Variants in PDE4D observed in about 807,000 individuals in gnomAD.
The protein encoded by PDE4D is phosphodiesterase 4D, also known as 3',5'-cyclic-AMP phosphodiesterase 4D.
PDE4D carries 24 observed loss-of-function variants against 87.4 expected under a neutral mutation model. That is an observed-to-expected ratio of 0.27 (90% CI 0.20 to 0.39). The LOEUF is 0.39. Ranked by LOEUF, PDE4D falls within the 10% of genes least tolerant of loss-of-function variation. The pLI is 1.00. For synonymous variants in PDE4D, 384 were observed against 383.2 expected (o/e 1.00, Z -0.02); for missense variants, 714 against 1,041.0 (o/e 0.69, Z 4.32).
intron 5 of PDE4D, among the ~76,000 whole-genome samples, chr5:59,133,575 C>G (rs895016194): frequency 3.3e-5 from 5 of 152,184 alleles, no homozygotes; most frequent in African/African-American, 1.2e-4. Flanking sequence ...TGCTAGTATA[C>G]TGTAGAAAAG....
At chr5:59,216,138 A>T (rs1371182085) in intron 1 of PDE4D, among the ~76,000 whole-genome samples, 170 bp from the exon 2 acceptor site, 1 of 152,214 alleles carries the variant, frequency 6.6e-6, no homozygotes, top group Admixed American at 6.5e-5. Context: ...AAAGAAAAAC[A>T]CATTGACTTC....
upstream of PDE4D, chr5:60,491,411 C>T (rs377308998): frequency 6.7e-6 from 1 of 149,738 alleles, no homozygotes; most frequent in Non-Finnish European, 1.5e-5. Flanking sequence ...TGTTGTTGTT[C>T]TTGTTGTTAT....
intron 1 of PDE4D, among the ~76,000 whole-genome samples, chr5:60,290,322 C>T (rs1347328975): frequency 6.6e-6 from 1 of 151,978 alleles, no homozygotes; most frequent in Non-Finnish European, 1.5e-5. Flanking sequence ...GATTGATTTA[C>T]ATTCTGAAGA....
intron 1 of PDE4D, chr5:60,262,621 C>T (rs1749771786): frequency 6.6e-6 from 1 of 152,142 alleles, no homozygotes; most frequent in Non-Finnish European, 1.5e-5. Context: ...CCTTAAAATA[C>T]AATGATTTAA....
At chr5:59,478,959 A>T (rs991534930) in intron 1 of PDE4D, among the ~76,000 whole-genome samples, 1 of 152,134 alleles carries the variant, frequency 6.6e-6, no homozygotes, top group South Asian at 2.1e-4. Flanking sequence ...TTGAGGTTCA[A>T]TGATGTGCAT....
At chr5:59,760,997 T>C (rs1173117510) in intron 1 of PDE4D, among the ~76,000 whole-genome samples, 1 of 152,070 alleles carries the variant, frequency 6.6e-6, no homozygotes, top group Non-Finnish European at 1.5e-5. Context: ...AATGTGTCAT[T>C]AGGCAATTTC....
chr5:60,312,774 C>T (rs192171592), intron 1 of PDE4D, among the ~76,000 whole-genome samples: 50 of 152,248 alleles, frequency 3.3e-4, no homozygotes, highest in Middle Eastern at 6.8e-3. Flanking sequence ...AAGGAAATCA[C>T]CCAAAACCAT....
intron 1 of PDE4D, among the ~76,000 whole-genome samples, chr5:59,878,886 A>ATTT: frequency 1.7e-5 from 2 of 116,160 alleles, no homozygotes; most frequent in African/African-American, 8.1e-5. Flanking sequence ...TACCGAAGTA[A>ATTT]GTTTTTTTTT....
chr5:60,502,511 TTAAAG>T (rs536354913), intron 1 of PDE4D, among the ~76,000 whole-genome samples: 2,065 of 152,058 alleles, frequency 0.014, 24 homozygotes, highest in South Asian at 0.027. Context: ...CATATGAACT[TTAAAG>T]TAGTTTTTTC....
In PDE4D at chr5:59,478,270, C is replaced by A. The variant is rs192488212; in HGVS notation, c.456-262302G>T. On this transcript the variant is annotated intron_variant, in intron 1 of 14. Coordinates refer to ENST00000340635, the MANE Select transcript of PDE4D (RefSeq NM_001104631.2). The stretch of plus-strand genomic sequence containing the variant: ...TACCATCATATGGGAATATTTACAT[C>A]TATTTTTTCAGGCATTAGTAATTCT... Among the ~76,000 whole-genome samples, 488 of 152,170 alleles carry A rather than the reference C, an allele frequency of 3.2e-3. 4 individuals carry two copies. Among genetic ancestry groups the A allele is most frequent in the Admixed American group, 0.018 (269 of 15,250 alleles).
chr5:59,250,269 T>C (rs1759655175), intron 1 of PDE4D, among the ~76,000 whole-genome samples: 1 of 150,826 alleles, frequency 6.6e-6, no homozygotes, highest in Non-Finnish European at 1.5e-5. Flanking sequence ...GGCAGGCAGA[T>C]TGTTTGAATC....
chr5:59,902,762 T>C (rs114408447), intron 3 of PDE4D, among the ~76,000 whole-genome samples: 4 of 151,868 alleles, frequency 2.6e-5, no homozygotes, highest in Non-Finnish European at 5.9e-5. Context: ...CCATGTGGAG[T>C]TGAATATCTC....
chr5:59,458,287 T>C (rs772160404), intron 1 of PDE4D, among the ~76,000 whole-genome samples: 2 of 152,246 alleles, frequency 1.3e-5, no homozygotes, highest in Non-Finnish European at 2.9e-5. Flanking sequence ...GGGACATGTC[T>C]TGCACATCAT....
chr5:59,267,453 T>C (rs1179220091), intron 1 of PDE4D, among the ~76,000 whole-genome samples: 2 of 152,122 alleles, frequency 1.3e-5, no homozygotes, highest in Non-Finnish European at 1.5e-5. Flanking sequence ...CGGGAGCACT[T>C]TTCTCTAGGA....
At chr5:59,106,983 A>G (rs554880619) in intron 5 of PDE4D, among the ~76,000 whole-genome samples, 1 of 152,314 alleles carries the variant, frequency 6.6e-6, no homozygotes, top group Admixed American at 6.5e-5. Context: ...AACTAGTGAG[A>G]AATTATAATT....
At chr5:60,207,111 G>C (rs1377339839) in intron 1 of PDE4D, among the ~76,000 whole-genome samples, 1 of 152,226 alleles carries the variant, frequency 6.6e-6, no homozygotes, top group Non-Finnish European at 1.5e-5. Context: ...ATTCATGCCT[G>C]AAAGGAACAT....
At chr5:59,982,936 T>A (rs944548652) in intron 3 of PDE4D, among the ~76,000 whole-genome samples, 6 of 152,220 alleles carry the variant, frequency 3.9e-5, no homozygotes, top group African/African-American at 1.4e-4. Flanking sequence ...ATATATTAAG[T>A]ATTCACAATA....
chr5:60,320,408 T>C (rs1343105365), intron 1 of PDE4D, among the ~76,000 whole-genome samples: 3 of 152,206 alleles, frequency 2.0e-5, no homozygotes, highest in African/African-American at 7.2e-5. Context: ...GGAAAGGGAA[T>C]TCCCTGACCC....
chr5:59,349,653 A>G (rs1012935140), intron 1 of PDE4D, among the ~76,000 whole-genome samples: 1 of 152,198 alleles, frequency 6.6e-6, no homozygotes, highest in Non-Finnish European at 1.5e-5. Context: ...AAAATGGTAT[A>G]GTTTTAACTA....
Sources: gnomAD v4.1 joint callset for allele counts (sites outside exome capture counted in the v4.1 genomes callset) on GRCh38, gnomAD v4.1.1 for gene constraint, MANE v1.5 for transcripts, NCBI Gene and HGNC (gene_info 2026-07-23, HGNC 2026-07-21) for gene names.